LZTFL1: variants seen among roughly 807,000 people sequenced by gnomAD.
LZTFL1 encodes the protein leucine zipper transcription factor like 1, also known as leucine zipper transcription factor-like protein 1.
LZTFL1 carries 25 observed loss-of-function variants against 45.9 expected under a neutral mutation model. The observed-to-expected ratio is 0.54, with a 90% CI of 0.40 to 0.76. LZTFL1 has a LOEUF of 0.76. LZTFL1 is among the 30% of genes least tolerant of loss of function. LZTFL1 has a pLI of 0.00. For synonymous variants in LZTFL1, 93 were observed against 117.4 expected (o/e 0.79, Z 1.35); for missense variants, 277 against 331.1 (o/e 0.84, Z 1.27).
In LZTFL1 at chr3:45,863,903, T is replaced by C. The variant is rs531923360; in HGVS notation, c.-214-4887A>G. ...GACATTCAGGGAAACATTTGGTGAATTTGAATAATATAATGGCTATTAGAT... is the reference window on the plus strand; with the variant it reads ...GACATTCAGGGAAACATTTGGTGAACTTGAATAATATAATGGCTATTAGAT... On this transcript the variant is annotated intron_variant, in intron 2 of 4. Coordinates refer to the LZTFL1 transcript ENST00000472635. 1.7e-4 allele frequency among the ~76,000 whole-genome samples: 26 copies of C among 152,362 alleles called. 1 individual carries two copies. The East Asian group carries it at 4.8e-3, about 28-fold the overall frequency.
At chr3:45,831,268 AT>A (rs1366738548) in intron 5 of LZTFL1, 130 bp from the exon 6 acceptor site, 2 of 569,586 alleles carry the variant, frequency 3.5e-6, no homozygotes, top group African/African-American at 3.8e-5. Flanking sequence ...TACTACTGAT[AT>A]TTTGGTAATA....
chr3:45,912,956 T>A (rs1483475076), intron 2 of LZTFL1, among the ~76,000 whole-genome samples: 1 of 152,230 alleles, frequency 6.6e-6, no homozygotes, highest in Non-Finnish European at 1.5e-5. Context: ...GGTCTGAAGG[T>A]CAAGGGCTGC....
rs1465161431 is a variant in LZTFL1, at chr3:45,823,372, G to T, written c.*2942C>A. 1.3e-5 allele frequency: 2 copies of T among 151,846 alleles called. No homozygotes were observed. Among genetic ancestry groups the T allele is most frequent in the African/African-American group, 4.8e-5 (2 of 41,352 alleles). 9.4% of individuals were successfully genotyped at this position (151,846 alleles called of 1,614,324 possible). On this transcript the variant is annotated 3_prime_UTR_variant, in exon 10 of 10. Coordinates refer to ENST00000296135, the MANE Select transcript of LZTFL1 (RefSeq NM_020347.4). ...TGTAAAAGTTAAAGGATGTATTATA[G>T]GCAAAAAAGAGAGGAAGTTATACTT...
At chr3:45,849,366 G>T (rs979121675) in intron 4 of LZTFL1, among the ~76,000 whole-genome samples, 1 of 152,152 alleles carries the variant, frequency 6.6e-6, no homozygotes, top group Non-Finnish European at 1.5e-5. Flanking sequence ...CCTTACAAAC[G>T]CTAAGAGATT....
rs756887035 is a variant in LZTFL1 at position 45,837,898 on chromosome 3, T to G, written c.128+29A>C. 21 of 1,567,150 alleles carry G rather than the reference T, an allele frequency of 1.3e-5. No individual in the cohort carries two copies. The South Asian group carries it at 2.4e-4, about 18-fold the overall frequency. On this transcript the variant is annotated intron_variant, in intron 2 of 9. Transcript: ENST00000296135. ...TACCAGAAAGAATCCATGTTCCTAT[T>G]TGGTTTGCTTAGAGTCCTCCTCTGA...
intron 4 of LZTFL1, among the ~76,000 whole-genome samples, chr3:45,833,992 G>A (rs531412214): frequency 2.0e-5 from 3 of 152,294 alleles, no homozygotes; most frequent in South Asian, 2.1e-4. Flanking sequence ...TTATGAGTGG[G>A]ATTGAGACTG....
At chr3:45,903,908 T>G (rs1238230941) in intron 2 of LZTFL1, among the ~76,000 whole-genome samples, 2 of 152,168 alleles carry the variant, frequency 1.3e-5, no homozygotes, top group African/African-American at 2.4e-5. Flanking sequence ...TATAGGAACT[T>G]GAGAGAATAA....
intron 1 of LZTFL1, chr3:45,841,647 C>G: frequency 2.3e-6 from 1 of 430,094 alleles, no homozygotes; most frequent in Non-Finnish European, 4.3e-6. Flanking sequence ...AGTTAAGAAC[C>G]CTGCCGTGCA....
intron 2 of LZTFL1, among the ~76,000 whole-genome samples, chr3:45,898,475 G>A (rs1410555626): frequency 6.6e-6 from 1 of 152,238 alleles, no homozygotes; most frequent in East Asian, 1.9e-4. Context: ...AGGGAGACGA[G>A]TTTTCTTTAG....
intron 1 of LZTFL1, among the ~76,000 whole-genome samples, chr3:45,914,468 C>T (rs935323069): frequency 6.6e-6 from 1 of 151,984 alleles, no homozygotes; most frequent in Non-Finnish European, 1.5e-5. Flanking sequence ...GAGACGGGGT[C>T]TCCCTATGTT....
At chr3:45,830,774 C>T (rs1158455563) in intron 7 of LZTFL1, 139 bp downstream of exon 7, 13 of 724,450 alleles carry the variant, frequency 1.8e-5, no homozygotes, top group Non-Finnish European at 3.0e-5. Flanking sequence ...CAAGAATGTC[C>T]CAACACATGA....
intron 2 of LZTFL1, among the ~76,000 whole-genome samples, chr3:45,896,828 G>T (rs1702371935): frequency 6.6e-6 from 1 of 152,102 alleles, no homozygotes; most frequent in African/African-American, 2.4e-5. Flanking sequence ...CCCATTCTTG[G>T]TGCTAAGGCA....
chr3:45,884,043 G>C, intron 2 of LZTFL1: 1 of 196,976 alleles, frequency 5.1e-6, no homozygotes. Context: ...TCTGACAACT[G>C]GGGCTCGCAG....
At chr3:45,832,064 T>A (rs1700837558) in intron 5 of LZTFL1, among the ~76,000 whole-genome samples, 1 of 152,070 alleles carries the variant, frequency 6.6e-6, no homozygotes, top group Admixed American at 6.5e-5. Context: ...TGAAACCCCA[T>A]CTCTACTAAA....
At chr3:45,874,020 C>A (rs1050833810) in intron 2 of LZTFL1, among the ~76,000 whole-genome samples, 37 of 152,164 alleles carry the variant, frequency 2.4e-4, no homozygotes, top group African/African-American at 8.2e-4. Flanking sequence ...CATATGGGGG[C>A]CTCATCCACT....
intron 2 of LZTFL1, among the ~76,000 whole-genome samples, chr3:45,907,411 G>A (rs528429487): frequency 8.1e-4 from 124 of 152,318 alleles, no homozygotes; most frequent in Non-Finnish European, 1.5e-3. Flanking sequence ...AGGCTCTGTG[G>A]CCAGGTAGGT....
At chr3:45,903,807 C>T (rs909945408) in intron 2 of LZTFL1, among the ~76,000 whole-genome samples, 5 of 152,180 alleles carry the variant, frequency 3.3e-5, no homozygotes, top group African/African-American at 1.2e-4. Context: ...GCACTGCATC[C>T]GTAGTTAAAG....
At chr3:45,842,701 G>T (rs571336566), upstream of LZTFL1, among the ~76,000 whole-genome samples, 1 of 152,186 alleles carries the variant, frequency 6.6e-6, no homozygotes, top group African/African-American at 2.4e-5. Context: ...GGTTTTCTCC[G>T]AGAGCAGTGA....
In LZTFL1 at chr3:45,833,139, A is replaced by C; in HGVS notation, c.385-18T>G. 1 of 1,574,514 alleles carries C rather than the reference A, an allele frequency of 6.4e-7. No homozygotes were observed. Among genetic ancestry groups the C allele is most frequent in the Non-Finnish European group, 8.7e-7 (1 of 1,144,262 alleles). On this transcript the variant is annotated intron_variant, in intron 4 of 9. Coordinates refer to ENST00000296135, the MANE Select transcript of LZTFL1 (RefSeq NM_020347.4). The stretch of plus-strand genomic sequence containing the variant: ...AAGATGGGCTGAAACAAAATAAAGA[A>C]ACCAAACTGAAATCACCACAGAATA...
Sources: allele counts gnomAD v4.1 joint callset (sites outside exome capture counted in the v4.1 genomes callset), GRCh38; gene constraint gnomAD v4.1.1; transcripts MANE v1.5; gene names NCBI Gene and HGNC (gene_info 2026-07-23, HGNC 2026-07-21).